The following TMEM266 variants were observed in gnomAD, a reference collection of about 807,000 sequenced individuals.
The protein encoded by TMEM266 is Hv1 related protein 1.
In TMEM266, 33 loss-of-function variants were observed where a neutral mutation model predicts 50.5. The ratio of observed to expected loss-of-function variants is 0.65; its 90% CI spans 0.50 to 0.87. The LOEUF (loss-of-function observed/expected upper bound fraction) is 0.87. Among genes scored for constraint, TMEM266 ranks in the 40% least tolerant of loss-of-function variants. TMEM266 has a pLI of 0.00. For missense variants in TMEM266, 655 were observed against 695.1 expected (o/e 0.94, Z 0.65); for synonymous variants, 310 against 292.3 (o/e 1.06, Z -0.62).
At chr15:76,178,587 C>T (rs12591631) in intron 8 of TMEM266, 46,293 of 152,130 alleles carry the variant, frequency 0.3, 7,974 homozygotes, top group Middle Eastern at 0.41. Flanking sequence ...AAAATCCTAA[C>T]GGCAACCCCA....
chr15:76,116,705 C>T (rs1384104923), intron 1 of TMEM266, among the ~76,000 whole-genome samples: 1 of 152,150 alleles, frequency 6.6e-6, no homozygotes, highest in African/African-American at 2.4e-5. Context: ...GGAAAAGTCT[C>T]ATTCCAGATC....
At chr15:76,197,009 A>G (rs1342252198) in intron 9 of TMEM266, among the ~76,000 whole-genome samples, 1 of 152,150 alleles carries the variant, frequency 6.6e-6, no homozygotes, top group Admixed American at 6.5e-5. Context: ...ATTTCACCAT[A>G]TATCACAGGG....
At chr15:76,146,197 T>C (rs1345014633) in intron 3 of TMEM266, among the ~76,000 whole-genome samples, 1 of 151,696 alleles carries the variant, frequency 6.6e-6, no homozygotes, top group Non-Finnish European at 1.5e-5. Flanking sequence ...GTAGGAGAAA[T>C]GGTGGTGCAA....
intron 5 of TMEM266, among the ~76,000 whole-genome samples, chr15:76,169,494 C>T (rs2038153317): frequency 6.6e-6 from 1 of 151,148 alleles, no homozygotes; most frequent in South Asian, 2.1e-4. Context: ...TCCTAAGTAT[C>T]CTTCCAAGGG....
intron 7 of TMEM266, among the ~76,000 whole-genome samples, chr15:76,172,100 G>T (rs1250382950): frequency 6.6e-6 from 1 of 152,178 alleles, no homozygotes; most frequent in Non-Finnish European, 1.5e-5. Flanking sequence ...GGGCTGGTCA[G>T]CCTCCAAGAG....
intron 1 of TMEM266, among the ~76,000 whole-genome samples, chr15:76,083,106 C>A (rs1226915667): frequency 6.6e-6 from 1 of 152,124 alleles, no homozygotes. Context: ...CCCACTAGTT[C>A]CCACCTCCAA....
chr15:76,201,570 C>G (rs1233098998), intron 9 of TMEM266, among the ~76,000 whole-genome samples: 1 of 152,254 alleles, frequency 6.6e-6, no homozygotes, highest in East Asian at 1.9e-4. Flanking sequence ...GTTCCCACCC[C>G]CCTTGACATG....
intron 1 of TMEM266, among the ~76,000 whole-genome samples, chr15:76,077,034 G>A (rs969783989): frequency 2.6e-5 from 4 of 151,782 alleles, no homozygotes; most frequent in African/African-American, 9.7e-5. Flanking sequence ...GCACAATCTT[G>A]GCTCACTGCA....
At chr15:76,142,413 C>T (rs1009525676) in intron 3 of TMEM266, among the ~76,000 whole-genome samples, 2 of 152,094 alleles carry the variant, frequency 1.3e-5, no homozygotes, top group African/African-American at 4.8e-5. Context: ...AATAATAATA[C>T]CCTGCTTTCA....
chr15:76,136,766 C>G (rs2037595354), intron 2 of TMEM266, among the ~76,000 whole-genome samples: 1 of 152,162 alleles, frequency 6.6e-6, no homozygotes, highest in South Asian at 2.1e-4. Context: ...TCCAGCATCT[C>G]TGGACAGGGT....
At position 76,160,476 on chromosome 15, in the gene TMEM266, G is replaced by A. The variant is rs1375512520; in HGVS notation, c.456+308G>A. Among the ~76,000 whole-genome samples, 1 of 152,230 alleles carries A rather than the reference G, an allele frequency of 6.6e-6. No individual in the cohort carries two copies. The highest frequency in any genetic ancestry group is 1.5e-5 in the Non-Finnish European group (1 of 68,032). Reference sequence around the variant, plus strand: ...GTGAGACTGAATGTGGCGTCGAGGGGCAGCCAGTGTTGGGTGCAGCCAGTA... The same window carrying A: ...GTGAGACTGAATGTGGCGTCGAGGGACAGCCAGTGTTGGGTGCAGCCAGTA... On this transcript the variant is annotated intron_variant, in intron 5 of 10. Transcript: ENST00000388942. The surrounding 1 kb of genome is among the most constrained non-coding windows in gnomAD (Gnocchi z 5.7).
At chr15:76,113,712 A>G (rs1010762483) in intron 1 of TMEM266, 1 of 152,054 alleles carries the variant, frequency 6.6e-6, no homozygotes, top group Non-Finnish European at 1.5e-5. Context: ...GATCGAAACC[A>G]TCCTAGCTAA....
intron 1 of TMEM266, among the ~76,000 whole-genome samples, chr15:76,132,419 GT>G (rs1486499747): frequency 1.3e-5 from 2 of 151,996 alleles, no homozygotes; most frequent in Non-Finnish European, 2.9e-5. Context: ...TACCAATCCA[GT>G]TTTTAAGAGT....
At chr15:76,179,364 C>A (rs1208433913) in intron 8 of TMEM266, among the ~76,000 whole-genome samples, 1 of 152,148 alleles carries the variant, frequency 6.6e-6, no homozygotes, top group Non-Finnish European at 1.5e-5. Flanking sequence ...CGAAGTCCAC[C>A]AGCCCCACCA....
intron 2 of TMEM266, among the ~76,000 whole-genome samples, chr15:76,135,591 T>C (rs915499415): frequency 1.4e-4 from 22 of 152,348 alleles, no homozygotes; most frequent in African/African-American, 5.3e-4. Context: ...TTGGGAACCA[T>C]CTGGGGGAGC....
chr15:76,130,036 C>T (rs1246900205), intron 1 of TMEM266, among the ~76,000 whole-genome samples: 2 of 151,584 alleles, frequency 1.3e-5, no homozygotes, highest in Non-Finnish European at 2.9e-5. Context: ...CCAGCCTGGG[C>T]AACATACTGA....
intron 5 of TMEM266, among the ~76,000 whole-genome samples, chr15:76,164,900 C>T (rs957464768): frequency 1.3e-5 from 2 of 152,252 alleles, no homozygotes; most frequent in Non-Finnish European, 2.9e-5. Flanking sequence ...AGCCCCCATT[C>T]TGCTCACTAA....
intron 1 of TMEM266, among the ~76,000 whole-genome samples, chr15:76,083,233 C>CCTT (rs2036722066): frequency 7.3e-6 from 1 of 136,234 alleles, no homozygotes; most frequent in African/African-American, 2.8e-5. Flanking sequence ...TGCTGATACT[C>CCTT]TTTTTTTTTT....
intron 5 of TMEM266, among the ~76,000 whole-genome samples, chr15:76,166,031 C>T (rs1277360085): frequency 6.6e-6 from 1 of 152,186 alleles, no homozygotes. Context: ...CTGCGTTTCA[C>T]GTAAACCCCC....
Sources: gnomAD v4.1 joint callset for allele counts (sites outside exome capture counted in the v4.1 genomes callset) on GRCh38, gnomAD v4.1.1 for gene constraint, Gnocchi (gnomAD v3.1) non-coding constraint, MANE v1.5 for transcripts, NCBI Gene and HGNC (gene_info 2026-07-23, HGNC 2026-07-21) for gene names.